FRMD4A: variants seen among roughly 807,000 people sequenced by gnomAD.
The protein encoded by FRMD4A is FERM domain-containing protein 4A.
Under a neutral mutation model 129.1 loss-of-function variants are expected in FRMD4A, and 29 were observed. The ratio of observed to expected loss-of-function variants is 0.22; its 90% CI spans 0.17 to 0.31. The LOEUF is 0.31. Among genes scored for constraint, FRMD4A ranks in the 10% least tolerant of loss-of-function variants. The probability of loss-of-function intolerance (pLI) is 1.00; values close to 1 mark genes in which losing one functional copy is unlikely to be tolerated. For missense variants in FRMD4A, 1,272 were observed against 1,375.8 expected, an observed-to-expected ratio of 0.92 and a Z score of 1.19; for synonymous variants, 634 against 571.6, an observed-to-expected ratio of 1.11 and a Z score of -1.56.
At chr10:13,878,534 C>T (rs2094512154) in intron 2 of FRMD4A, among the ~76,000 whole-genome samples, 1 of 152,116 alleles carries the variant, frequency 6.6e-6, no homozygotes. Flanking sequence ...GGGCAGATCA[C>T]CTGAGGTTAG....
rs574168105 is a variant in FRMD4A at position 13,740,823 on chromosome 10, G to A, written c.549-246C>T. On this transcript the variant is annotated intron_variant, in intron 9 of 24. Coordinates refer to ENST00000357447, the MANE Select transcript of FRMD4A (RefSeq NM_018027.5). ...GACTTGCATTCTCTTTGTCTTGGAT[G>A]TTTGTTTTTTTTTTTTTTTTTGAGA... Among the ~76,000 whole-genome samples, 146 of 105,114 alleles carry A rather than the reference G, an allele frequency of 1.4e-3. 4 individuals carry two copies. The highest frequency in any genetic ancestry group is 5.4e-3 in the African/African-American group (139 of 25,514). The allele number at this position is 105,114 out of a possible 152,430, so 69.0% of individuals were successfully genotyped here.
At chr10:14,284,734 A>G (rs1026916025) in intron 2 of FRMD4A, among the ~76,000 whole-genome samples, 2 of 152,230 alleles carry the variant, frequency 1.3e-5, no homozygotes, top group East Asian at 3.8e-4. Flanking sequence ...TAGTGACTGT[A>G]AAACTTGTGT....
chr10:13,772,008 T>C (rs959173365), intron 6 of FRMD4A, among the ~76,000 whole-genome samples: 1 of 151,144 alleles, frequency 6.6e-6, no homozygotes, highest in African/African-American at 2.4e-5. Flanking sequence ...TCCCAGCTAC[T>C]TGGGAGGCTG....
In FRMD4A at chr10:14,271,277, T is replaced by C. The variant is rs188202522; in HGVS notation, c.45+58781A>G. ...AGTACATCACTATACATACATTTTT[T>C]TAAAAGTTAGTAAAAATAAAATTAT... On this transcript the variant is annotated intron_variant, in intron 2 of 24. Coordinates refer to ENST00000357447, the MANE Select transcript of FRMD4A (RefSeq NM_018027.5). Among the ~76,000 whole-genome samples, 7 of 152,336 alleles carry C rather than the reference T, an allele frequency of 4.6e-5. No individual in the cohort carries two copies. The East Asian group carries it at 1.4e-3, about 29-fold the overall frequency.
intron 2 of FRMD4A, among the ~76,000 whole-genome samples, chr10:14,169,770 A>G (rs1019022504): frequency 6.6e-6 from 1 of 152,152 alleles, no homozygotes; most frequent in Non-Finnish European, 1.5e-5. Flanking sequence ...TTCAGCTCCA[A>G]CAAATCTCCT....
intron 2 of FRMD4A, among the ~76,000 whole-genome samples, chr10:13,865,412 T>TATTTTATTTTA (rs2094352862): frequency 2.1e-5 from 2 of 93,180 alleles, no homozygotes; most frequent in East Asian, 7.8e-4. Flanking sequence ...TTATTTGTTT[T>TATTTTATTTTA]ATTTTATTTT....
intron 2 of FRMD4A, among the ~76,000 whole-genome samples, chr10:13,985,435 G>T (rs1483385260): frequency 6.6e-6 from 1 of 152,196 alleles, no homozygotes; most frequent in Non-Finnish European, 1.5e-5. Context: ...GGCTGATTCT[G>T]GCTCTAGACT....
intron 15 of FRMD4A, chr10:13,685,673 T>G: frequency 1.0e-6 from 1 of 980,992 alleles, no homozygotes; most frequent in Middle Eastern, 5.3e-4. Context: ...TTTTAGTATT[T>G]AAAATTTCAT....
chr10:14,100,869 C>T (rs1188490153), intron 2 of FRMD4A, among the ~76,000 whole-genome samples: 1 of 152,104 alleles, frequency 6.6e-6, no homozygotes, highest in African/African-American at 2.4e-5. Context: ...AAACTCTGAA[C>T]TAGAAGTTTT....
chr10:13,700,202 C>T (rs1162460384), intron 14 of FRMD4A, among the ~76,000 whole-genome samples: 1 of 151,802 alleles, frequency 6.6e-6, no homozygotes, highest in Non-Finnish European at 1.5e-5. Context: ...CCTGCCTTGG[C>T]CTCCCGAAGC....
At chr10:14,140,192 G>T (rs898087354) in intron 2 of FRMD4A, among the ~76,000 whole-genome samples, 1 of 152,006 alleles carries the variant, frequency 6.6e-6, no homozygotes, top group African/African-American at 2.4e-5. Flanking sequence ...CTCCTGAGTC[G>T]CTGGGACTAC....
chr10:14,075,657 T>C (rs1588917274), intron 2 of FRMD4A, among the ~76,000 whole-genome samples: 1 of 152,236 alleles, frequency 6.6e-6, no homozygotes, highest in Non-Finnish European at 1.5e-5. Context: ...AATATAAGCA[T>C]GTGTGGGTAT....
At chr10:14,039,371 C>T (rs1471153347) in intron 2 of FRMD4A, among the ~76,000 whole-genome samples, 2 of 104,204 alleles carry the variant, frequency 1.9e-5, no homozygotes, top group African/African-American at 1.0e-4. Flanking sequence ...TCCGTCCGTC[C>T]ATCCATCCAT....
At chr10:14,099,021 C>T (rs1286621174) in intron 2 of FRMD4A, among the ~76,000 whole-genome samples, 1 of 152,206 alleles carries the variant, frequency 6.6e-6, no homozygotes, top group Non-Finnish European at 1.5e-5. Flanking sequence ...AGTGAAATCC[C>T]AGGAGCACTC....
intron 3 of FRMD4A, among the ~76,000 whole-genome samples, chr10:13,824,799 G>A (rs2093677058): frequency 6.6e-6 from 1 of 151,118 alleles, no homozygotes; most frequent in Non-Finnish European, 1.5e-5. Context: ...GGAGGCTGAG[G>A]CAGGAGAATC....
At chr10:14,080,370 T>C (rs1029024283) in intron 2 of FRMD4A, among the ~76,000 whole-genome samples, 2 of 152,128 alleles carry the variant, frequency 1.3e-5, no homozygotes, top group African/African-American at 4.8e-5. Context: ...TTTTGCCTCC[T>C]ATGACATTGG....
chr10:13,834,100 C>T (rs1445758837), intron 3 of FRMD4A, among the ~76,000 whole-genome samples: 1 of 152,094 alleles, frequency 6.6e-6, no homozygotes, highest in African/African-American at 2.4e-5. Context: ...CCTGTCTCTA[C>T]TAAAAATATA....
intron 2 of FRMD4A, among the ~76,000 whole-genome samples, chr10:14,293,486 A>G (rs1318312168): frequency 1.3e-5 from 2 of 152,232 alleles, no homozygotes; most frequent in African/African-American, 4.8e-5. Context: ...AAAAGAGTAA[A>G]TGCAAATGTC....
intron 2 of FRMD4A, among the ~76,000 whole-genome samples, chr10:14,283,739 G>C (rs1845594205): frequency 6.6e-6 from 1 of 152,192 alleles, no homozygotes; most frequent in South Asian, 2.1e-4. Flanking sequence ...TTGCAAGTTT[G>C]CCTGTAGGTC....
Sources: gnomAD v4.1 joint callset for allele counts (sites outside exome capture counted in the v4.1 genomes callset) on GRCh38, gnomAD v4.1.1 for gene constraint, MANE v1.5 for transcripts, NCBI Gene and HGNC (gene_info 2026-07-23, HGNC 2026-07-21) for gene names.